Variants in GRIN2A observed in about 807,000 individuals in gnomAD.
The protein encoded by GRIN2A is glutamate receptor ionotropic, NMDA 2A.
A neutral mutation model predicts 113.4 loss-of-function variants in GRIN2A; 22 were observed. The observed-to-expected ratio is 0.19, with a 90% CI of 0.14 to 0.28. GRIN2A has a LOEUF of 0.28. Among genes scored for constraint, GRIN2A ranks in the 10% least tolerant of loss-of-function variants. The pLI is 1.00. For synonymous variants in GRIN2A, 827 were observed against 738.4 expected (o/e 1.12, Z -1.94); for missense variants, 1,502 against 1,887.0 (o/e 0.80, Z 3.78).
At chr16:10,114,796 A>C (rs189901011) in intron 2 of GRIN2A, among the ~76,000 whole-genome samples, 23 of 152,378 alleles carry the variant, frequency 1.5e-4, no homozygotes, top group African/African-American at 5.3e-4. Flanking sequence ...ACACTGGCAA[A>C]ATAGAGAATT....
intron 9 of GRIN2A, among the ~76,000 whole-genome samples, chr16:9,827,877 CCAGA>C (rs1020759524): frequency 3.9e-5 from 6 of 152,210 alleles, no homozygotes; most frequent in African/African-American, 1.4e-4. Context: ...GCCTCTTCCC[CCAGA>C]CAATTTTAGT....
At chr16:10,052,023 T>G (rs916363153) in intron 2 of GRIN2A, among the ~76,000 whole-genome samples, 5 of 152,220 alleles carry the variant, frequency 3.3e-5, no homozygotes, top group Admixed American at 6.5e-5. Flanking sequence ...ACTGAAGACT[T>G]CAAGGGGGAA....
chr16:10,100,268 A>G (rs11074572), intron 2 of GRIN2A, among the ~76,000 whole-genome samples: 60,985 of 152,014 alleles, frequency 0.4, 12,378 homozygotes, highest in East Asian at 0.46. Flanking sequence ...GAGAAACAAC[A>G]TGATCGGGTT....
At chr16:9,847,924 T>A in intron 5 of GRIN2A, among the ~76,000 whole-genome samples, 1 of 137,170 alleles carries the variant, frequency 7.3e-6, no homozygotes, top group Non-Finnish European at 1.5e-5. Context: ...TTATATGTTT[T>A]ATATATATAT....
chr16:10,089,497 A>C (rs2048145137), intron 2 of GRIN2A, among the ~76,000 whole-genome samples: 1 of 152,164 alleles, frequency 6.6e-6, no homozygotes. Flanking sequence ...GGCAGTTGAT[A>C]CAGGTTATGG....
intron 3 of GRIN2A, among the ~76,000 whole-genome samples, chr16:9,935,368 C>A (rs920026858): frequency 1.3e-5 from 2 of 151,990 alleles, no homozygotes; most frequent in Admixed American, 6.6e-5. Context: ...ATTTAAAATG[C>A]TGAAAGTGGC....
chr16:10,149,835 C>G (rs1258369701), intron 2 of GRIN2A, among the ~76,000 whole-genome samples: 1 of 152,194 alleles, frequency 6.6e-6, no homozygotes, highest in Admixed American at 6.5e-5. Flanking sequence ...TGTTCAGACC[C>G]CTCCAGTGGT....
chr16:10,101,985 T>C (rs1401953257), intron 2 of GRIN2A, among the ~76,000 whole-genome samples: 3 of 152,168 alleles, frequency 2.0e-5, no homozygotes, highest in Non-Finnish European at 2.9e-5. Context: ...CTAGAGATAA[T>C]AGTAATAGCA....
At chr16:10,074,019 C>G (rs2047817373) in intron 2 of GRIN2A, among the ~76,000 whole-genome samples, 1 of 151,848 alleles carries the variant, frequency 6.6e-6, no homozygotes. Flanking sequence ...AGAGAACACT[C>G]ACAACTCAAC....
chr16:9,909,384 C>T (rs769103303), intron 3 of GRIN2A, among the ~76,000 whole-genome samples: 1 of 152,174 alleles, frequency 6.6e-6, no homozygotes, highest in Non-Finnish European at 1.5e-5. Flanking sequence ...TGAAAGCCAG[C>T]CCTAGGTTGA....
intron 5 of GRIN2A, among the ~76,000 whole-genome samples, chr16:9,847,722 T>C (rs938193547): frequency 2.0e-5 from 3 of 149,082 alleles, no homozygotes; most frequent in Non-Finnish European, 4.5e-5. Flanking sequence ...GTTTTATATA[T>C]TTTTAACACA....
At chr16:9,995,337 G>A (rs117770228) in intron 2 of GRIN2A, among the ~76,000 whole-genome samples, 2,933 of 152,272 alleles carry the variant, frequency 0.019, 46 homozygotes, top group Non-Finnish European at 0.029. Context: ...AACAAAAGAA[G>A]AGACATTTTT....
intron 3 of GRIN2A, among the ~76,000 whole-genome samples, chr16:9,894,478 C>T (rs1165679720): frequency 2.0e-5 from 3 of 152,070 alleles, no homozygotes; most frequent in African/African-American, 7.2e-5. Context: ...TTCCTTCTCC[C>T]CTTTGATGTT....
intron 11 of GRIN2A, among the ~76,000 whole-genome samples, chr16:9,792,372 A>G (rs546088119): frequency 1.3e-5 from 2 of 152,224 alleles, no homozygotes; most frequent in South Asian, 4.1e-4. Context: ...ACAAGCATGT[A>G]CCACCATGCC....
intron 12 of GRIN2A, among the ~76,000 whole-genome samples, chr16:9,765,688 C>A (rs1900873116): frequency 6.6e-6 from 1 of 152,166 alleles, no homozygotes; most frequent in South Asian, 2.1e-4. Flanking sequence ...ATGGTTTAAA[C>A]CCCTGGAGCC....
At chr16:10,109,534 C>G (rs1487911614) in intron 2 of GRIN2A, among the ~76,000 whole-genome samples, 4 of 149,752 alleles carry the variant, frequency 2.7e-5, no homozygotes, top group African/African-American at 9.9e-5. Context: ...ATGAGCAGAT[C>G]AAATAGAAAA....
At chr16:9,976,975 A>C (rs2045786361) in intron 2 of GRIN2A, among the ~76,000 whole-genome samples, 2 of 152,206 alleles carry the variant, frequency 1.3e-5, no homozygotes, top group African/African-American at 4.8e-5. Context: ...TGGAGACCTG[A>C]AACAGGAGGG....
In GRIN2A at chr16:10,000,260, C is replaced by T. The variant is rs7359445; in HGVS notation, c.415-61709G>A. Among the ~76,000 whole-genome samples, 1,426 of 152,294 alleles carry T rather than the reference C, an allele frequency of 9.4e-3. 28 individuals are homozygous for T. Among genetic ancestry groups the T allele is most frequent in the African/African-American group, 0.033 (1,352 of 41,558 alleles). Reference sequence around the variant, plus strand: ...CTGGTTCCAAGCATTAGGGCATGGACACATTTGGTGAGTCCTTCTCGTACC... The same window carrying T: ...CTGGTTCCAAGCATTAGGGCATGGATACATTTGGTGAGTCCTTCTCGTACC... On this transcript the variant is annotated intron_variant, in intron 2 of 12. Transcript: ENST00000330684.
intron 2 of GRIN2A, among the ~76,000 whole-genome samples, chr16:10,078,299 C>G (rs2047914285): frequency 6.6e-6 from 1 of 151,996 alleles, no homozygotes; most frequent in South Asian, 2.1e-4. Flanking sequence ...TGGAACCGTG[C>G]TGGGGAAATG....
Sources: gnomAD v4.1 joint callset for allele counts (sites outside exome capture counted in the v4.1 genomes callset) on GRCh38, gnomAD v4.1.1 for gene constraint, MANE v1.5 for transcripts, NCBI Gene and HGNC (gene_info 2026-07-23, HGNC 2026-07-21) for gene names.